Variants in BOC observed in about 807,000 individuals in gnomAD.
The protein encoded by BOC is brother of CDO.
BOC carries 76 observed loss-of-function variants against 112.0 expected under a neutral mutation model. That is an observed-to-expected ratio of 0.68 (90% confidence interval 0.56 to 0.82). The LOEUF is 0.82. BOC is among the 40% of genes least tolerant of loss of function. BOC has a pLI of 0.00. For synonymous variants in BOC, 580 were observed against 599.8 expected, an observed-to-expected ratio of 0.97 and a Z score of 0.48; for missense variants, 1,309 against 1,511.7, an observed-to-expected ratio of 0.87 and a Z score of 2.22.
At position 113,280,619 on chromosome 3, in the gene BOC, C is replaced by T; in HGVS notation, c.2267C>T (p.Thr756Ile). 1 of 1,612,412 alleles carries T rather than the reference C, an allele frequency of 6.2e-7. No individual in the cohort carries two copies. Among genetic ancestry groups the T allele is most frequent in the Non-Finnish European group, 8.5e-7 (1 of 1,178,426 alleles). ...GGCTTTTATATCTATTATCGACCCA[C>T]AGACAGTGACAATGATAGTGACTAC... ...IHGFYIYYRP[T>I]DSDNDSDYKK... Residue 756 changes from threonine to isoleucine, a missense_variant, in exon 14 of 20, where the codon ACA (threonine) becomes ATA (isoleucine). Coordinates refer to ENST00000682979, the MANE Select transcript of BOC (RefSeq NM_001378074.1).
intron 2 of BOC, among the ~76,000 whole-genome samples, chr3:113,241,742 A>G (rs896931626): frequency 6.6e-6 from 1 of 152,132 alleles, no homozygotes; most frequent in Non-Finnish European, 1.5e-5. Flanking sequence ...CAGCCCCCAT[A>G]TGGCAAGCAT....
chr3:113,284,273 C>T (rs1175396700), intron 16 of BOC, 62 bp from the exon 17 acceptor site: 2 of 1,440,666 alleles, frequency 1.4e-6, no homozygotes, highest in East Asian at 4.6e-5. Context: ...CCTTGTGGGG[C>T]TTTTCCAACC....
intron 2 of BOC, among the ~76,000 whole-genome samples, chr3:113,243,960 T>C (rs1435179586): frequency 6.6e-6 from 1 of 152,236 alleles, no homozygotes; most frequent in South Asian, 2.1e-4. Context: ...CTTGAGCTAA[T>C]TGCTTCGATC....
rs756116097 is a variant in BOC, at chr3:113,283,576, T to C, written c.2600T>C (p.Val867Ala). The change falls in exon 16 of 20, where the codon GTT becomes GCT. Residue 867 changes from valine to alanine, a missense_variant. Val to Ala is a moderately conservative substitution (Grantham distance 64). Transcript: ENST00000682979. ...LIVGVVLGSIVLIIVTFIPFC... is the reference protein window; with the variant it reads ...LIVGVVLGSIALIIVTFIPFC... ...GTCGGGGTCGTCCTGGGCTCCATCG[T>C]TCTCATCATCGTCACCTTCATCCCC... 6.2e-7 allele frequency: 1 copy of C among 1,613,784 alleles called. No homozygotes were observed. Among genetic ancestry groups the C allele is most frequent in the South Asian group, 1.1e-5 (1 of 91,042 alleles).
rs916130521 is a variant in BOC, at chr3:113,278,844, T to C, written c.1816+61T>C. On this transcript the variant is annotated intron_variant, in intron 11 of 19. Transcript: ENST00000682979. The surrounding 1 kb of genome is among the most constrained non-coding windows in gnomAD (Gnocchi z 4.2). ...GGACTGGAACTGCCTCAGAGGCCTG[T>C]TCCCATGGCTGAATGGGGTCTTGCT... 11 of 1,410,318 alleles carry C rather than the reference T, an allele frequency of 7.8e-6. No individual in the cohort carries two copies. The African/African-American group carries it at 1.3e-4, about 16-fold the overall frequency. The allele number at this position is 1,410,318 out of a possible 1,614,324, so 87.4% of individuals were successfully genotyped here.
chr3:113,256,632 T>C (rs575471004), intron 4 of BOC, among the ~76,000 whole-genome samples: 4 of 152,354 alleles, frequency 2.6e-5, no homozygotes, highest in African/African-American at 9.6e-5. Context: ...AGGTTCTGAC[T>C]GTGAACTAGA....
At chr3:113,224,123 C>T (rs1941243625) in intron 2 of BOC, among the ~76,000 whole-genome samples, 1 of 152,232 alleles carries the variant, frequency 6.6e-6, no homozygotes, top group Non-Finnish European at 1.5e-5. Flanking sequence ...GGGAAGTGAG[C>T]GTCCCCTGGG....
intron 2 of BOC, among the ~76,000 whole-genome samples, chr3:113,229,561 G>A (rs911249813): frequency 5.3e-5 from 8 of 152,144 alleles, no homozygotes. Context: ...GATGTTCTTT[G>A]CAATGGCGGC....
At chr3:113,273,652 T>C (rs1016617121) in intron 8 of BOC, among the ~76,000 whole-genome samples, 1 of 152,206 alleles carries the variant, frequency 6.6e-6, no homozygotes, top group Non-Finnish European at 1.5e-5. Context: ...CTATGCCAGC[T>C]GAGCAGTGAC....
At chr3:113,236,104 C>T (rs548796341) in intron 2 of BOC, among the ~76,000 whole-genome samples, 3 of 151,224 alleles carry the variant, frequency 2.0e-5, no homozygotes, top group East Asian at 2.0e-4. Context: ...AAAAAAGATA[C>T]GTGCACTTCT....
chr3:113,232,561 G>A (rs1309775128), intron 2 of BOC, among the ~76,000 whole-genome samples: 1 of 105,540 alleles, frequency 9.5e-6, no homozygotes, highest in Admixed American at 9.6e-5. Flanking sequence ...TTTGCTGTGC[G>A]AGTGTGTGTG....
At chr3:113,257,206 T>C (rs538800168) in intron 4 of BOC, among the ~76,000 whole-genome samples, 57 of 152,342 alleles carry the variant, frequency 3.7e-4, no homozygotes, top group African/African-American at 1.1e-3. Flanking sequence ...TAGACGGAGA[T>C]GTTTCCACGC....
chr3:113,274,427 T>C lies in BOC; in HGVS notation c.1287T>C (p.Pro429=). 1.3e-6 allele frequency: 2 copies of C among 1,592,936 alleles called. No individual in the cohort carries two copies. Among genetic ancestry groups the C allele is most frequent in the Non-Finnish European group, 1.7e-6 (2 of 1,165,796 alleles). Residue 429 remains proline, a synonymous_variant, in exon 9 of 20, where the codon CCT becomes CCC. Coordinates refer to ENST00000682979, the MANE Select transcript of BOC (RefSeq NM_001378074.1). The surrounding 1 kb of genome is among the most constrained non-coding windows in gnomAD (Gnocchi z 4.8). ...QDAELATGTP[P]VSPSKLGNPE... ...CTGAGCTGGCTACTGGCACACCTCC[T>C]GTATCACCCTCCAAACTCGGCAACC...
intron 4 of BOC, among the ~76,000 whole-genome samples, chr3:113,254,432 T>A (rs1946003949): frequency 6.6e-6 from 1 of 151,966 alleles, no homozygotes; most frequent in Non-Finnish European, 1.5e-5. Flanking sequence ...GTGAAAGGGG[T>A]GCTGTCTTTG....
intron 4 of BOC, among the ~76,000 whole-genome samples, chr3:113,266,185 A>G (rs113506225): frequency 5.5e-4 from 84 of 152,350 alleles, no homozygotes; most frequent in African/African-American, 1.8e-3. Flanking sequence ...GAAAGGAATC[A>G]GACAGCCAAT....
chr3:113,286,895 T>G lies in BOC; in HGVS notation c.*33T>G. The stretch of plus-strand genomic sequence containing the variant: ...CTGATATCCCAGAAAGACTATATAT[T>G]GTTTTTTTTTTAAAAAAAAAAAGAA... On this transcript the variant is annotated 3_prime_UTR_variant, in exon 20 of 20. Transcript: ENST00000682979. The G allele has an allele frequency of 1.3e-6, 2 of 1,484,460 alleles. No homozygotes were observed. The highest frequency in any genetic ancestry group is 1.8e-6 in the Non-Finnish European group (2 of 1,117,144). The allele number at this position is 1,484,460 out of a possible 1,614,324, so 92.0% of individuals were successfully genotyped here.
chr3:113,226,194 GA>G (rs1941632381), intron 2 of BOC, among the ~76,000 whole-genome samples: 1 of 152,196 alleles, frequency 6.6e-6, no homozygotes, highest in Admixed American at 6.5e-5. Flanking sequence ...TGTAATACAT[GA>G]AAAAAACTCA....
rs1252165979 is a variant in BOC, at chr3:113,278,274, G to C, written c.1705+17G>C. Reference sequence around the variant, plus strand: ...TCCGAACTGGTGAGAGTCAAACATTGCCCCTTGCTTAGGGTTTCCGTGGGT... The same window carrying C: ...TCCGAACTGGTGAGAGTCAAACATTCCCCCTTGCTTAGGGTTTCCGTGGGT... On this transcript the variant is annotated intron_variant, in intron 10 of 19. Coordinates refer to ENST00000682979, the MANE Select transcript of BOC (RefSeq NM_001378074.1). This position sits in a 1 kb window ranked among gnomAD's most constrained non-coding sequence, Gnocchi z 4.2. 78 of 1,613,302 alleles carry C rather than the reference G, an allele frequency of 4.8e-5. No individual in the cohort carries two copies. The highest frequency in any genetic ancestry group is 6.4e-5 in the Non-Finnish European group (76 of 1,179,346).
intron 2 of BOC, among the ~76,000 whole-genome samples, chr3:113,217,466 G>T (rs1939643492): frequency 6.6e-6 from 1 of 152,102 alleles, no homozygotes; most frequent in Admixed American, 6.5e-5. Context: ...GGTTGAAGTT[G>T]CAGTGAGCTG....
Sources: gnomAD v4.1 joint callset for allele counts (sites outside exome capture counted in the v4.1 genomes callset) on GRCh38, gnomAD v4.1.1 for gene constraint, Gnocchi (gnomAD v3.1) non-coding constraint, MANE v1.5 for transcripts, NCBI Gene and HGNC (gene_info 2026-07-23, HGNC 2026-07-21) for gene names.